The following METTL23 variants were observed in gnomAD, a reference collection of about 807,000 sequenced individuals.
The protein encoded by METTL23 is histone-arginine methyltransferase METTL23.
Under a neutral mutation model 21.2 loss-of-function variants are expected in METTL23, and 24 were observed. The observed-to-expected ratio is 1.13, with a 90% CI of 0.82 to 1.59. The LOEUF is 1.59. Ranked by LOEUF, METTL23 falls within the 40% of genes most tolerant of loss-of-function variation. The probability of loss-of-function intolerance (pLI) is 0.00; values close to 1 mark genes in which losing one functional copy is unlikely to be tolerated. For synonymous variants in METTL23, 97 were observed against 75.2 expected (o/e 1.29, Z -1.50); for missense variants, 276 against 221.4 (o/e 1.25, Z -1.57).
rs143566718 is a variant in METTL23, at chr17:76,733,152, G to C, written c.259G>C (p.Asp87His). 2 of 1,613,910 alleles carry C rather than the reference G, an allele frequency of 1.2e-6. No homozygotes were observed. Among genetic ancestry groups the C allele is most frequent in the East Asian group, 2.2e-5 (1 of 44,888 alleles). ...ACTAACATGGGGTCATATATCTTGGGATCTTCTGGCTCTACCACCACAAGA... is the reference window on the plus strand; with the variant it reads ...ACTAACATGGGGTCATATATCTTGGCATCTTCTGGCTCTACCACCACAAGA... ...VGLTWGHISWDLLALPPQDII... is the reference protein window; with the variant it reads ...VGLTWGHISWHLLALPPQDII... The change falls in exon 3 of 5, where the codon GAT (aspartate) becomes CAT (histidine). Residue 87 changes from aspartate (D) to histidine (H), a missense_variant. Physicochemically the swap from Asp to His is moderately conservative, Grantham distance 81. Transcript: ENST00000341249.
rs564177842 is a variant in METTL23, at chr17:76,730,960, C to T, written c.84+1166C>T. On this transcript the variant is annotated intron_variant, in intron 2 of 4. Coordinates refer to ENST00000341249, the MANE Select transcript of METTL23 (RefSeq NM_001080510.5). ...CTACTAAAAATACAAAAAAAATTAG[C>T]CGGGCCTGGTGGCGGGCGCCTGTAG... 3.3e-5 allele frequency among the ~76,000 whole-genome samples: 5 copies of T among 152,312 alleles called. No homozygotes were observed. In the South Asian group the frequency reaches 8.3e-4, roughly 25 times the overall value.
At chr17:76,726,420 TC>T, upstream of METTL23, 1 of 1,604,238 alleles carries the variant, frequency 6.2e-7, no homozygotes, top group Non-Finnish European at 8.5e-7. Context: ...GTCCTTGAGC[TC>T]CGGCCGCGCA....
rs779611431 is a variant in METTL23, at chr17:76,733,497, AAAG to A, written c.408-21_408-19del. Reference sequence around the variant, plus strand: ...GCAAAACAGAAAAGGCATGACTTTAAAAGAACAACTTTTTTTTTTTAAGTGCTG... The same window carrying A: ...GCAAAACAGAAAAGGCATGACTTTAAAACAACTTTTTTTTTTTAAGTGCTG... On this transcript the variant is annotated intron_variant, in intron 4 of 4. Transcript: ENST00000341249. 3 of 1,601,788 alleles carry A rather than the reference AAAG, an allele frequency of 1.9e-6. No homozygotes were observed. In the East Asian group the frequency reaches 6.7e-5, roughly 36 times the overall value.
At chr17:76,726,304 G>T, upstream of METTL23, 1 of 1,527,212 alleles carries the variant, frequency 6.5e-7, no homozygotes, top group Non-Finnish European at 8.8e-7. Context: ...AGCGGCTGGA[G>T]GTGCCGATGC....
At chr17:76,726,513 C>G, upstream of METTL23, 1 of 1,570,074 alleles carries the variant, frequency 6.4e-7, no homozygotes, top group South Asian at 1.1e-5. Flanking sequence ...ACGACCTCGG[C>G]GCAGCCCGCT....
chr17:76,731,466 C>G (rs978180730), intron 2 of METTL23, among the ~76,000 whole-genome samples: 1 of 152,198 alleles, frequency 6.6e-6, no homozygotes. Context: ...ATCATGAGAA[C>G]TCTGCCTTTA....
intron 2 of METTL23, among the ~76,000 whole-genome samples, chr17:76,731,739 G>T (rs1032239951): frequency 2.0e-5 from 3 of 152,172 alleles, no homozygotes; most frequent in Admixed American, 1.3e-4. Flanking sequence ...CAAACCAGAA[G>T]CTTAATATTA....
chr17:76,726,441 G>C, upstream of METTL23: 1 of 1,603,560 alleles, frequency 6.2e-7, no homozygotes, highest in Non-Finnish European at 8.5e-7. Flanking sequence ...ACTCCGCTTG[G>C]CCTCGCGGAT....
At chr17:76,726,477 C>G (rs775261498), upstream of METTL23, 19 of 1,591,748 alleles carry the variant, frequency 1.2e-5, no homozygotes, top group Non-Finnish European at 1.5e-5. Context: ...GTGGTTCATT[C>G]TGCGGGGTCG....
rs1198542701 is a variant in METTL23, at chr17:76,733,822, G to A, written c.*136G>A. On this transcript the variant is annotated 3_prime_UTR_variant, in exon 5 of 5. Coordinates refer to ENST00000341249, the MANE Select transcript of METTL23 (RefSeq NM_001080510.5). ...AAGTCTGTTTGCCTTAGATTTTGATGTCACCTAGACAACACTTAAACTCAT... is the reference window on the plus strand; with the variant it reads ...AAGTCTGTTTGCCTTAGATTTTGATATCACCTAGACAACACTTAAACTCAT... The A allele has an allele frequency of 1.0e-5, 7 of 683,136 alleles. No individual in the cohort carries two copies. Among genetic ancestry groups the A allele is most frequent in the Non-Finnish European group, 1.6e-5 (7 of 427,330 alleles). 42.3% of individuals were successfully genotyped at this position (683,136 alleles called of 1,614,324 possible).
At chr17:76,727,253 G>A (rs542770392) in intron 1 of METTL23, 75 bp downstream of exon 1, 16 of 349,792 alleles carry the variant, frequency 4.6e-5, no homozygotes, top group African/African-American at 3.5e-4. Context: ...GGGTTCCTGA[G>A]GGACCGGGGG....
intron 1 of METTL23, among the ~76,000 whole-genome samples, chr17:76,728,129 C>T (rs2077029825): frequency 6.6e-6 from 1 of 151,338 alleles, no homozygotes; most frequent in Non-Finnish European, 1.5e-5. Flanking sequence ...CCAGCTACTC[C>T]GGAGGGTGAG....
At chr17:76,728,871 G>A (rs2077079415) in intron 1 of METTL23, among the ~76,000 whole-genome samples, 1 of 140,796 alleles carries the variant, frequency 7.1e-6, no homozygotes, top group South Asian at 2.2e-4. Flanking sequence ...TCTGCTCACT[G>A]CAAGCTCTGC....
At chr17:76,726,641 C>T (rs902650102), upstream of METTL23, 8 of 936,074 alleles carry the variant, frequency 8.5e-6, no homozygotes, top group Admixed American at 1.2e-4. Context: ...TCCCCAGCCA[C>T]CTCCCGAGCC....
intron 4 of METTL23, 55 bp downstream of exon 4, chr17:76,733,432 A>AC (rs1240448496): frequency 6.3e-7 from 1 of 1,599,030 alleles, no homozygotes; most frequent in Non-Finnish European, 8.5e-7. Flanking sequence ...ACTCTACCCT[A>AC]CCCATGCGAT....
intron 1 of METTL23, 27 bp downstream of exon 1, chr17:76,727,205 G>T: frequency 2.6e-6 from 1 of 379,924 alleles, no homozygotes; most frequent in South Asian, 1.8e-5. Flanking sequence ...CCGCCAGGAG[G>T]CGCCTGAGGT....
At chr17:76,726,368 C>G (rs1415424967), upstream of METTL23, 1 of 1,596,706 alleles carries the variant, frequency 6.3e-7, no homozygotes, top group Admixed American at 1.7e-5. Flanking sequence ...CCGGGCTCAG[C>G]GAGAAGCTCT....
intron 2 of METTL23, among the ~76,000 whole-genome samples, chr17:76,730,604 C>T (rs984820029): frequency 6.6e-6 from 1 of 152,266 alleles, no homozygotes; most frequent in Non-Finnish European, 1.5e-5. Context: ...CCAGCAGTGT[C>T]ATGCAGCCTT....
At chr17:76,726,353 G>A (rs747928309), upstream of METTL23, 1 of 1,582,684 alleles carries the variant, frequency 6.3e-7, no homozygotes, top group Non-Finnish European at 8.6e-7. Flanking sequence ...TCACCGCCAC[G>A]GCCGCCGGGC....
Sources: gnomAD v4.1 joint callset for allele counts (sites outside exome capture counted in the v4.1 genomes callset) on GRCh38, gnomAD v4.1.1 for gene constraint, MANE v1.5 for transcripts, NCBI Gene and HGNC (gene_info 2026-07-23, HGNC 2026-07-21) for gene names.